Variants in GSDMC observed in about 807,000 individuals in gnomAD.
GSDMC encodes gasdermin-C.
GSDMC carries 59 observed loss-of-function variants against 58.0 expected under a neutral mutation model. That is an observed-to-expected ratio of 1.02 (90% confidence interval 0.82 to 1.26). The LOEUF is 1.26. Among genes scored for constraint, GSDMC ranks in the 50% most tolerant of loss-of-function variants. The pLI is 0.00. For missense variants in GSDMC, 659 were observed against 598.5 expected, an observed-to-expected ratio of 1.10 and a Z score of -1.06; for synonymous variants, 241 against 220.2, an observed-to-expected ratio of 1.09 and a Z score of -0.83.
chr8:129,711,322 T>C, the GSDMC span, among the ~76,000 whole-genome samples: 1 of 152,146 alleles, frequency 6.6e-6, no homozygotes. Context: ...CCTTGCAAGG[T>C]AGAATTTATT....
In GSDMC at chr8:129,750,757, G is replaced by A. The variant is rs1225844423; in HGVS notation, c.944-187C>T. On this transcript the variant is annotated intron_variant, in intron 10 of 13. Coordinates refer to ENST00000276708, the MANE Select transcript of GSDMC (RefSeq NM_031415.3). The stretch of plus-strand genomic sequence containing the variant: ...ATAGAGCTGGCATAAGAAGGAAAAA[G>A]ATGGACAATCCAGTGTTCTGAAAAG... Among the ~76,000 whole-genome samples, 7 of 152,186 alleles carry A rather than the reference G, an allele frequency of 4.6e-5. No homozygotes were observed. The East Asian group carries it at 1.3e-3, about 29-fold the overall frequency.
At chr8:129,745,630 A>T (rs1446098474), downstream of GSDMC, among the ~76,000 whole-genome samples, 1 of 151,926 alleles carries the variant, frequency 6.6e-6, no homozygotes, top group Non-Finnish European at 1.5e-5. Context: ...TATAAAATCA[A>T]TGGGAAGTGG....
intron 3 of GSDMC, among the ~76,000 whole-genome samples, chr8:129,768,542 G>A (rs185647332): frequency 3.3e-4 from 51 of 152,268 alleles, no homozygotes; most frequent in African/African-American, 1.2e-3. Flanking sequence ...AAATCCTGCA[G>A]ATAAAGAATA....
At chr8:129,706,867 C>A in the GSDMC span, among the ~76,000 whole-genome samples, 118 of 152,342 alleles carry the variant, frequency 7.7e-4, no homozygotes, top group African/African-American at 2.7e-3. Context: ...TAGTATTCAG[C>A]TGTCAATAGG....
chr8:129,783,777 T>G (rs1486036007), intron 1 of GSDMC, among the ~76,000 whole-genome samples: 2 of 152,036 alleles, frequency 1.3e-5, no homozygotes, highest in Non-Finnish European at 2.9e-5. Flanking sequence ...AGACCCAGAA[T>G]AACAAAATCT....
At chr8:129,741,773 C>T in the GSDMC span, among the ~76,000 whole-genome samples, 3 of 151,760 alleles carry the variant, frequency 2.0e-5, no homozygotes, top group Admixed American at 1.3e-4. Context: ...ATTCAACAAT[C>T]CCACTTCTAG....
intron 9 of GSDMC, 74 bp downstream of exon 9, chr8:129,751,788 G>A: frequency 6.8e-7 from 1 of 1,462,340 alleles, no homozygotes; most frequent in Non-Finnish European, 9.6e-7. Context: ...GGCGAGGCAG[G>A]GGCAATCTGC....
chr8:129,718,736 T>A, the GSDMC span, among the ~76,000 whole-genome samples: 1 of 152,186 alleles, frequency 6.6e-6, no homozygotes, highest in Non-Finnish European at 1.5e-5. Flanking sequence ...TGCACACATA[T>A]GTTTACTGCA....
chr8:129,726,752 C>G, the GSDMC span, among the ~76,000 whole-genome samples: 455 of 151,486 alleles, frequency 3.0e-3, 1 homozygote, highest in Non-Finnish European at 5.4e-3. Flanking sequence ...AGGCTCCCTT[C>G]CAATCCAGTC....
At chr8:129,747,287 A>G (rs1203838044), downstream of GSDMC, among the ~76,000 whole-genome samples, 3 of 152,000 alleles carry the variant, frequency 2.0e-5, no homozygotes, top group Admixed American at 1.3e-4. Flanking sequence ...TAAAGAATTA[A>G]CACTAAACAG....
At chr8:129,730,406 T>G in the GSDMC span, 1 of 1,172,690 alleles carries the variant, frequency 8.5e-7, no homozygotes, top group South Asian at 1.5e-5. Context: ...AATATGCTGA[T>G]TATGAATCTT....
chr8:129,766,352 T>C (rs1329492012), intron 3 of GSDMC, among the ~76,000 whole-genome samples: 1 of 152,158 alleles, frequency 6.6e-6, no homozygotes, highest in Non-Finnish European at 1.5e-5. Flanking sequence ...ATATGAATGG[T>C]TTGAAGTACT....
At chr8:129,772,182 A>G (rs2034079068) in intron 3 of GSDMC, among the ~76,000 whole-genome samples, 1 of 150,182 alleles carries the variant, frequency 6.7e-6, no homozygotes, top group Non-Finnish European at 1.5e-5. Context: ...AATGGCATGA[A>G]CCCGGGAGGC....
chr8:129,709,622 A>AGAT, the GSDMC span, among the ~76,000 whole-genome samples: 1 of 151,888 alleles, frequency 6.6e-6, no homozygotes, highest in Non-Finnish European at 1.5e-5. Context: ...ATAGATAGAT[A>AGAT]GATAGATAGA....
the GSDMC span, among the ~76,000 whole-genome samples, chr8:129,742,166 G>A: frequency 6.6e-6 from 1 of 152,008 alleles, no homozygotes; most frequent in Admixed American, 6.6e-5. Flanking sequence ...TTGAAGAGAT[G>A]TTGGTCAAAG....
intron 3 of GSDMC, among the ~76,000 whole-genome samples, chr8:129,771,270 A>T (rs2034040289): frequency 6.6e-6 from 1 of 152,080 alleles, no homozygotes; most frequent in Admixed American, 6.6e-5. Flanking sequence ...CCCAGAAAAA[A>T]AAAATCAATG....
chr8:129,705,947 A>G, the GSDMC span, among the ~76,000 whole-genome samples: 1 of 152,222 alleles, frequency 6.6e-6, no homozygotes. Flanking sequence ...TGAAAAGTCA[A>G]TCAGGTAATC....
the GSDMC span, among the ~76,000 whole-genome samples, chr8:129,711,415 G>T: frequency 2.6e-3 from 389 of 152,296 alleles, 2 homozygotes; most frequent in African/African-American, 9.0e-3. Flanking sequence ...AAGGAGCAGA[G>T]CCTCCTACCA....
At chr8:129,768,420 A>G (rs2033939301) in intron 3 of GSDMC, among the ~76,000 whole-genome samples, 1 of 152,244 alleles carries the variant, frequency 6.6e-6, no homozygotes, top group African/African-American at 2.4e-5. Flanking sequence ...ACAAACTGAC[A>G]AAGAATTCAG....
Sources: gnomAD v4.1 joint callset for allele counts (sites outside exome capture counted in the v4.1 genomes callset) on GRCh38, gnomAD v4.1.1 for gene constraint, MANE v1.5 for transcripts, NCBI Gene and HGNC (gene_info 2026-07-23, HGNC 2026-07-21) for gene names.